Variants in MECOM observed in about 807,000 individuals in gnomAD.
The protein encoded by MECOM is MDS1 and EVI1 complex locus, also known as histone-lysine N-methyltransferase MECOM.
A neutral mutation model predicts 116.3 loss-of-function variants in MECOM; 13 were observed. The ratio of observed to expected loss-of-function variants is 0.11; its 90% CI spans 0.07 to 0.18. The LOEUF (loss-of-function observed/expected upper bound fraction) is 0.18, where lower values mean the gene tolerates loss of function less well. Among genes scored for constraint, MECOM ranks in the 10% least tolerant of loss-of-function variants. The pLI is 1.00. For synonymous variants in MECOM, 528 were observed against 535.2 expected (o/e 0.99, Z 0.19); for missense variants, 1,299 against 1,509.0 (o/e 0.86, Z 2.31).
intron 1 of MECOM, among the ~76,000 whole-genome samples, chr3:169,571,826 T>C (rs1576936209): frequency 6.6e-6 from 1 of 152,152 alleles, no homozygotes; most frequent in Non-Finnish European, 1.5e-5. Context: ...TTACACCTTA[T>C]ACAAAATTAA....
intron 2 of MECOM, among the ~76,000 whole-genome samples, chr3:169,153,561 C>A (rs1741487173): frequency 6.6e-6 from 1 of 152,204 alleles, no homozygotes; most frequent in East Asian, 1.9e-4. Context: ...TTAATTAATT[C>A]AATCTTTCAA....
chr3:169,479,458 A>G (rs575010290), intron 1 of MECOM, among the ~76,000 whole-genome samples: 1 of 152,166 alleles, frequency 6.6e-6, no homozygotes, highest in South Asian at 2.1e-4. Context: ...GACGGTCACA[A>G]GGGTGAGGCT....
intron 2 of MECOM, among the ~76,000 whole-genome samples, chr3:169,199,665 C>T (rs1232783234): frequency 6.6e-6 from 1 of 152,026 alleles, no homozygotes; most frequent in African/African-American, 2.4e-5. Flanking sequence ...ACATGCACAA[C>T]ACCATAACTA....
At chr3:169,388,205 G>A (rs1733685407) in intron 1 of MECOM, among the ~76,000 whole-genome samples, 1 of 152,132 alleles carries the variant, frequency 6.6e-6, no homozygotes, top group Non-Finnish European at 1.5e-5. Flanking sequence ...AGTGCGGCAG[G>A]GAAGGGAGGG....
intron 1 of MECOM, among the ~76,000 whole-genome samples, chr3:169,539,465 C>T (rs1759796585): frequency 6.6e-6 from 1 of 152,188 alleles, no homozygotes; most frequent in African/African-American, 2.4e-5. Flanking sequence ...TCCTCCTGGA[C>T]ATCAAACTCA....
rs375673157 is a variant in MECOM, at chr3:169,143,694, A to G, written c.510+4T>C. 13 of 1,590,968 alleles carry G rather than the reference A, an allele frequency of 8.2e-6. No homozygotes were observed. Among genetic ancestry groups the G allele is most frequent in the African/African-American group, 1.4e-5 (1 of 73,790 alleles). On this transcript the variant is annotated splice_donor_region_variant and intron_variant, in intron 3 of 16. Coordinates refer to ENST00000651503, the MANE Select transcript of MECOM (RefSeq NM_004991.4). ...GGAAAGACAAGAAAATCTTTACAAC[A>G]TACCTGATCATTTATCTGGCATGCA...
rs147811806 is a variant in MECOM, at chr3:169,655,813, A to G, written c.37+7523T>C. Among the ~76,000 whole-genome samples the G allele has an allele frequency of 1.4e-3, 206 of 152,368 alleles. 8 individuals are homozygous for G. The East Asian group carries it at 0.022, about 16-fold the overall frequency. On this transcript the variant is annotated intron_variant, in intron 1 of 16. Coordinates refer to ENST00000651503, the MANE Select transcript of MECOM (RefSeq NM_004991.4). ...AAAAAAGGATGTTTCTTCTTCAGAA[A>G]ATTTAACTGATAAATTATAAGGAAA...
intron 2 of MECOM, among the ~76,000 whole-genome samples, chr3:169,157,885 T>C (rs1742238389): frequency 6.6e-6 from 1 of 152,140 alleles, no homozygotes; most frequent in Admixed American, 6.5e-5. Flanking sequence ...TCACACATAA[T>C]TTCTCTCCAC....
rs750634357 is a variant in MECOM, at chr3:169,090,058, C to T, written c.3343G>A (p.Glu1115Lys). The T allele has an allele frequency of 1.5e-5, 25 of 1,613,494 alleles. No homozygotes were observed. In the South Asian group the frequency reaches 2.1e-4, roughly 13 times the overall value. ...VTSNLHEGNP[E>K]DDYEETSALE... Reference sequence around the variant, plus strand: ...GCACTGGTTTCTTCATAGTCATCCTCAGGGTTTCCTTCATGTAAATTACTT... The same window carrying T: ...GCACTGGTTTCTTCATAGTCATCCTTAGGGTTTCCTTCATGTAAATTACTT... Residue 1115 changes from glutamate to lysine, a missense_variant, in exon 15 of 17, where the codon GAG becomes AAG. By Grantham distance (56) the Glu-to-Lys change is moderately conservative. Transcript: ENST00000651503.
chr3:169,453,660 A>G (rs1203905437), intron 1 of MECOM, among the ~76,000 whole-genome samples: 1 of 152,208 alleles, frequency 6.6e-6, no homozygotes, highest in Non-Finnish European at 1.5e-5. Context: ...GGAGTCTATA[A>G]TGCCGAGGAA....
At chr3:169,132,333 C>T (rs1189722944) in intron 3 of MECOM, among the ~76,000 whole-genome samples, 1 of 152,190 alleles carries the variant, frequency 6.6e-6, no homozygotes, top group East Asian at 1.9e-4. Context: ...GAGCCACTGC[C>T]TTTCTCCTGA....
intron 1 of MECOM, among the ~76,000 whole-genome samples, chr3:169,410,454 C>A (rs1360334649): frequency 6.6e-6 from 1 of 152,150 alleles, no homozygotes; most frequent in East Asian, 1.9e-4. Flanking sequence ...TTATTGTGTC[C>A]TTTGTACCCT....
At chr3:169,146,304 G>A in intron 2 of MECOM, 2 of 1,267,586 alleles carry the variant, frequency 1.6e-6, no homozygotes, top group South Asian at 1.5e-5. Context: ...TACTTGGCAA[G>A]GTGGAACTCG....
intron 1 of MECOM, among the ~76,000 whole-genome samples, chr3:169,472,082 G>T (rs528614026): frequency 1.3e-5 from 2 of 152,060 alleles, no homozygotes; most frequent in Middle Eastern, 3.4e-3. Context: ...AAGGATAAGT[G>T]CTTGAGGTGA....
At chr3:169,123,673 A>G (rs964966448) in intron 5 of MECOM, among the ~76,000 whole-genome samples, 2 of 152,064 alleles carry the variant, frequency 1.3e-5, no homozygotes, top group South Asian at 4.1e-4. Context: ...CCGTGGTAAA[A>G]TAGCTTATTT....
chr3:169,517,283 A>G (rs978228200), intron 1 of MECOM, among the ~76,000 whole-genome samples: 4 of 152,184 alleles, frequency 2.6e-5, no homozygotes, highest in Non-Finnish European at 5.9e-5. Context: ...AATCTTGCCT[A>G]GCTGTTAGAT....
chr3:169,578,950 G>A (rs1290538503), intron 1 of MECOM, among the ~76,000 whole-genome samples: 2 of 152,136 alleles, frequency 1.3e-5, no homozygotes, highest in Non-Finnish European at 2.9e-5. Flanking sequence ...AGACTGAAGG[G>A]GAAGTGTTGA....
chr3:169,170,152 C>T (rs934397545), intron 2 of MECOM, among the ~76,000 whole-genome samples: 7 of 152,100 alleles, frequency 4.6e-5, no homozygotes, highest in African/African-American at 9.7e-5. Context: ...GTGGCTCACA[C>T]CTGTAATCCC....
intron 1 of MECOM, among the ~76,000 whole-genome samples, chr3:169,456,757 A>G (rs1003208646): frequency 1.3e-5 from 2 of 152,146 alleles, no homozygotes; most frequent in Non-Finnish European, 2.9e-5. Flanking sequence ...CTGCATGGTT[A>G]TCTGCGACCC....
Sources: gnomAD v4.1 joint callset for allele counts (sites outside exome capture counted in the v4.1 genomes callset) on GRCh38, gnomAD v4.1.1 for gene constraint, MANE v1.5 for transcripts, NCBI Gene and HGNC (gene_info 2026-07-23, HGNC 2026-07-21) for gene names.